Variants in SPON1 observed in about 807,000 individuals in gnomAD.
SPON1 encodes spondin-1.
Under a neutral mutation model 111.7 loss-of-function variants are expected in SPON1, and 52 were observed. The observed-to-expected ratio is 0.47, with a 90% confidence interval of 0.37 to 0.59. The LOEUF (loss-of-function observed/expected upper bound fraction) is 0.59, where lower values mean the gene tolerates loss of function less well. Among genes scored for constraint, SPON1 ranks in the 20% least tolerant of loss-of-function variants. SPON1 has a pLI of 0.00. For missense variants in SPON1, 957 were observed against 1,068.5 expected, an observed-to-expected ratio of 0.90 and a Z score of 1.46; for synonymous variants, 410 against 395.8, an observed-to-expected ratio of 1.04 and a Z score of -0.43.
chr11:14,078,985 TA>T (rs1210445008), intron 4 of SPON1, among the ~76,000 whole-genome samples: 1 of 152,152 alleles, frequency 6.6e-6, no homozygotes, highest in Non-Finnish European at 1.5e-5. Flanking sequence ...CTTTGTATAA[TA>T]TTTAAGAATA....
intron 5 of SPON1, among the ~76,000 whole-genome samples, chr11:14,114,016 G>A (rs1554925740): frequency 6.6e-6 from 1 of 152,098 alleles, no homozygotes; most frequent in African/African-American, 2.4e-5. Context: ...GGGTAATGGT[G>A]TACCCATCCC....
At chr11:14,065,114 C>G (rs575545075) in intron 3 of SPON1, among the ~76,000 whole-genome samples, 3 of 152,312 alleles carry the variant, frequency 2.0e-5, no homozygotes, top group African/African-American at 7.2e-5. Flanking sequence ...CATCTCCCAA[C>G]AGCCAGTTCT....
chr11:14,142,460 A>G (rs1186177156), intron 6 of SPON1, among the ~76,000 whole-genome samples: 5 of 152,106 alleles, frequency 3.3e-5, no homozygotes, highest in African/African-American at 4.8e-5. Context: ...AATTTGCCCT[A>G]ACATTTTTTC....
At chr11:14,113,568 A>AATT (rs1849242023) in intron 5 of SPON1, among the ~76,000 whole-genome samples, 1 of 74,762 alleles carries the variant, frequency 1.3e-5, no homozygotes, top group Non-Finnish European at 2.6e-5. Context: ...TACTTTTTAA[A>AATT]TTTTTTTTTT....
chr11:14,075,160 A>G (rs762227728), intron 3 of SPON1, among the ~76,000 whole-genome samples, 185 bp from the exon 4 acceptor site: 3 of 152,108 alleles, frequency 2.0e-5, no homozygotes, highest in Non-Finnish European at 4.4e-5. Flanking sequence ...ACATTTTCTG[A>G]CTTAGTTCTC....
intron 3 of SPON1, among the ~76,000 whole-genome samples, chr11:14,042,786 G>A (rs531099482): frequency 4.1e-4 from 63 of 152,284 alleles, no homozygotes; most frequent in South Asian, 1.0e-3. Context: ...CCTAGGCATC[G>A]CAATACCTGC....
chr11:14,097,341 A>T (rs1381164376), intron 5 of SPON1, among the ~76,000 whole-genome samples: 1 of 152,200 alleles, frequency 6.6e-6, no homozygotes, highest in African/African-American at 2.4e-5. Flanking sequence ...AAAAACTGAG[A>T]CTTGAAGAGA....
chr11:13,971,921 T>C (rs1564876275), intron 1 of SPON1, among the ~76,000 whole-genome samples: 1 of 152,218 alleles, frequency 6.6e-6, no homozygotes, highest in East Asian at 1.9e-4. Context: ...GCTGACTTGC[T>C]TGTACTTCTC....
intron 3 of SPON1, among the ~76,000 whole-genome samples, chr11:14,055,246 T>C (rs1009843692): frequency 1.3e-5 from 2 of 152,178 alleles, no homozygotes; most frequent in Non-Finnish European, 2.9e-5. Context: ...CCTTGCCTTC[T>C]TCATCAGTCA....
Position 14,161,273 on chromosome 11 carries a change from ATATC to A in SPON1, c.825+25709_825+25712del, listed in dbSNP as rs200265927. Among the ~76,000 whole-genome samples the A allele has an allele frequency of 3.6e-3, 348 of 97,884 alleles. 17 individuals are homozygous for A. The highest frequency in any genetic ancestry group is 0.012 in the African/African-American group (326 of 26,642). 64.2% of individuals were successfully genotyped at this position (97,884 alleles called of 152,430 possible). ...TATATTTATATATTTATATATCTGT[ATATC>A]TATATATATTTATATATTTATATAT... On this transcript the variant is annotated intron_variant, in intron 6 of 15. Coordinates refer to ENST00000576479, the MANE Select transcript of SPON1 (RefSeq NM_006108.4).
At chr11:14,132,149 A>G (rs531802277) in intron 5 of SPON1, among the ~76,000 whole-genome samples, 193 of 152,160 alleles carry the variant, frequency 1.3e-3, no homozygotes, top group African/African-American at 4.4e-3. Flanking sequence ...GTGGTGGCGG[A>G]CGCCTGTAAT....
At chr11:14,225,477 T>C (rs572802942) in intron 6 of SPON1, among the ~76,000 whole-genome samples, 4 of 152,308 alleles carry the variant, frequency 2.6e-5, no homozygotes, top group East Asian at 1.9e-4. Context: ...AGGTTGTTGA[T>C]AGGATCCAAC....
intron 6 of SPON1, among the ~76,000 whole-genome samples, chr11:14,167,525 T>C (rs919489698): frequency 6.6e-6 from 1 of 151,934 alleles, no homozygotes; most frequent in Non-Finnish European, 1.5e-5. Flanking sequence ...CCATTTTCAT[T>C]ATCTTTTAAC....
rs1554921890 is a variant in SPON1, at chr11:14,080,040, C to T, written c.676+19C>T. ...TACCCTCGTGAGTAGAGTGGCTACT[C>T]TGTGGTTTGGGGAAAAGCACATTGT... On this transcript the variant is annotated intron_variant, in intron 5 of 15. Transcript: ENST00000576479. 8 of 1,613,686 alleles carry T rather than the reference C, an allele frequency of 5.0e-6. No individual in the cohort carries two copies. In the South Asian group the frequency reaches 8.8e-5, roughly 18 times the overall value.
chr11:14,181,772 C>T (rs1483332637), intron 6 of SPON1, among the ~76,000 whole-genome samples: 2 of 152,156 alleles, frequency 1.3e-5, no homozygotes, highest in Non-Finnish European at 2.9e-5. Flanking sequence ...CTCTCTTCCC[C>T]TCTCTTGACT....
chr11:14,250,569 C>T (rs1372070446), intron 7 of SPON1, among the ~76,000 whole-genome samples: 1 of 152,170 alleles, frequency 6.6e-6, no homozygotes, highest in Non-Finnish European at 1.5e-5. Flanking sequence ...GAATATCACG[C>T]TATTTTGTCT....
chr11:14,246,461 A>G (rs1477747802), intron 7 of SPON1, among the ~76,000 whole-genome samples: 6 of 152,214 alleles, frequency 3.9e-5, no homozygotes, highest in African/African-American at 1.4e-4. Context: ...GCTTTTCACT[A>G]TAACACGATC....
At chr11:14,205,457 G>A (rs1848507701) in intron 6 of SPON1, among the ~76,000 whole-genome samples, 1 of 152,242 alleles carries the variant, frequency 6.6e-6, no homozygotes, top group African/African-American at 2.4e-5. Context: ...ATTTTATTCA[G>A]AAGGAATTCA....
At chr11:14,224,828 T>G in intron 6 of SPON1, 1 of 381,602 alleles carries the variant, frequency 2.6e-6, no homozygotes, top group Non-Finnish European at 5.2e-6. Flanking sequence ...AATTGGGCTT[T>G]ACCCCTAAAG....
Sources: gnomAD v4.1 joint callset for allele counts (sites outside exome capture counted in the v4.1 genomes callset) on GRCh38, gnomAD v4.1.1 for gene constraint, MANE v1.5 for transcripts, NCBI Gene and HGNC (gene_info 2026-07-23, HGNC 2026-07-21) for gene names.